The following IFT140 variants were observed in gnomAD, a reference collection of about 807,000 sequenced individuals.
The protein encoded by IFT140 is intraflagellar transport 140, also known as intraflagellar transport protein 140 homolog.
A neutral mutation model predicts 164.6 loss-of-function variants in IFT140; 133 were observed. That is an observed-to-expected ratio of 0.81 (90% CI 0.70 to 0.93). The LOEUF (loss-of-function observed/expected upper bound fraction) is 0.93, where lower values mean the gene tolerates loss of function less well. Ranked by LOEUF, IFT140 falls within the 40% of genes least tolerant of loss-of-function variation. IFT140 has a pLI of 0.00. For synonymous variants in IFT140, 860 were observed against 817.3 expected, an observed-to-expected ratio of 1.05 and a Z score of -0.89; for missense variants, 2,045 against 1,972.3, an observed-to-expected ratio of 1.04 and a Z score of -0.70.
rs899346069 is a variant in IFT140, at chr16:1,510,586, A to AG, written c.*357dup. ...GGGGAGGATATGATGTGTGGGGAGC[A>AG]GGGGGGCAGGTGCCCCAGCCCTCCA... On this transcript the variant is annotated 3_prime_UTR_variant, in exon 31 of 31. Coordinates refer to ENST00000426508, the MANE Select transcript of IFT140 (RefSeq NM_014714.4). 15 of 369,628 alleles carry AG rather than the reference A, an allele frequency of 4.1e-5. No homozygotes were observed. The Admixed American group carries it at 5.6e-4, about 14-fold the overall frequency. 22.9% of individuals were successfully genotyped at this position (369,628 alleles called of 1,614,324 possible).
At chr16:1,549,033 C>A (rs1024223360) in intron 19 of IFT140, among the ~76,000 whole-genome samples, 6 of 152,218 alleles carry the variant, frequency 3.9e-5, no homozygotes, top group African/African-American at 1.4e-4. Context: ...AGCAGCGGTG[C>A]CCCTGCCTGC....
Position 1,607,247 on chromosome 16 carries a change from T to C in IFT140, c.20A>G (p.His7Arg), listed in dbSNP as rs1305853622. 1.4e-5 allele frequency: 23 copies of C among 1,613,794 alleles called. No homozygotes were observed. Among genetic ancestry groups the C allele is most frequent in the Non-Finnish European group, 1.7e-5 (20 of 1,179,982 alleles). MALYYD[H>R]QIEAPDAAGS... ...TGCTGCATCCGGGGCTTCTATCTGG[T>C]GGTCATAATAGAGGGCCATGACGGA... Residue 7 changes from histidine (H) to arginine (R), a missense_variant, in exon 3 of 31, where the codon CAC (histidine) becomes CGC (arginine). Coordinates refer to ENST00000426508, the MANE Select transcript of IFT140 (RefSeq NM_014714.4).
At chr16:1,585,196 G>C (rs2034804446) in intron 10 of IFT140, among the ~76,000 whole-genome samples, 1 of 152,244 alleles carries the variant, frequency 6.6e-6, no homozygotes, top group African/African-American at 2.4e-5. Context: ...AATGGAGAAA[G>C]AAAACGTGGT....
chr16:1,542,187 C>T (rs908885498), intron 19 of IFT140: 2 of 1,225,204 alleles, frequency 1.6e-6, no homozygotes, highest in African/African-American at 1.6e-5. Context: ...CAGGCCATAC[C>T]TCTCAACATG....
intron 30 of IFT140, 114 bp downstream of exon 30, chr16:1,518,102 T>C: frequency 2.9e-6 from 3 of 1,038,206 alleles, no homozygotes; most frequent in South Asian, 3.2e-5. Flanking sequence ...CCTCCCAAAG[T>C]GCTGGGATTA....
chr16:1,584,464 G>A (rs1245827510), intron 10 of IFT140, 44 bp from the exon 11 acceptor site: 1 of 1,495,660 alleles, frequency 6.7e-7, no homozygotes, highest in East Asian at 2.4e-5. Flanking sequence ...TGTGTGAACA[G>A]AGCAGGAGAA....
intron 19 of IFT140, among the ~76,000 whole-genome samples, chr16:1,528,238 G>A (rs530948275): frequency 6.6e-5 from 10 of 152,272 alleles, no homozygotes; most frequent in African/African-American, 2.2e-4. Context: ...GGCAGAGGAC[G>A]CACTGGTCAC....
At chr16:1,516,640 G>T (rs2040357872) in intron 30 of IFT140, among the ~76,000 whole-genome samples, 1 of 151,786 alleles carries the variant, frequency 6.6e-6, no homozygotes, top group South Asian at 2.1e-4. Context: ...CGTGGTGGCG[G>T]GCGCCTGTAG....
At chr16:1,528,045 G>A (rs954588272) in intron 19 of IFT140, among the ~76,000 whole-genome samples, 3 of 152,198 alleles carry the variant, frequency 2.0e-5, no homozygotes, top group African/African-American at 4.8e-5. Context: ...TGTGTGTGGG[G>A]GCACTCAGCC....
intron 19 of IFT140, chr16:1,530,959 G>C (rs369920776): frequency 6.6e-6 from 1 of 152,318 alleles, no homozygotes. Context: ...CGAGGCTGCT[G>C]GGAGAACCCA....
chr16:1,544,440 C>T lies in IFT140; in HGVS notation c.2399+13495G>A, dbSNP rs533927454. On this transcript the variant is annotated intron_variant, in intron 19 of 30. Coordinates refer to ENST00000426508, the MANE Select transcript of IFT140 (RefSeq NM_014714.4). ...GACCTCGTGATCCGCCCACCTTGGC[C>T]TCCCAAAGTGCTAGGATTATAGGCG... Among the ~76,000 whole-genome samples, 5 of 152,084 alleles carry T rather than the reference C, an allele frequency of 3.3e-5. No individual in the cohort carries two copies. The South Asian group carries it at 1.0e-3, about 32-fold the overall frequency.
intron 19 of IFT140, among the ~76,000 whole-genome samples, chr16:1,545,133 C>T (rs769976151): frequency 4.1e-4 from 62 of 152,344 alleles, no homozygotes; most frequent in Middle Eastern, 3.4e-3. Flanking sequence ...TGGACTAAAC[C>T]GAGCTGTCTT....
chr16:1,594,235 T>C (rs1171763065), intron 4 of IFT140, among the ~76,000 whole-genome samples: 2 of 152,000 alleles, frequency 1.3e-5, no homozygotes, highest in African/African-American at 4.8e-5. Flanking sequence ...TGTTTTTTTT[T>C]TTTGAGACAG....
Position 1,516,527 on chromosome 16 carries a change from T to G in IFT140, c.4182+1689A>C, listed in dbSNP as rs535094151. Among the ~76,000 whole-genome samples the G allele has an allele frequency of 2.6e-5, 4 of 152,172 alleles. No individual in the cohort carries two copies. The South Asian group carries it at 8.3e-4, about 32-fold the overall frequency. On this transcript the variant is annotated intron_variant, in intron 30 of 30. Coordinates refer to ENST00000426508, the MANE Select transcript of IFT140 (RefSeq NM_014714.4). ...GCTCACGCCTGTAATCCCAGCACTT[T>G]GGGAGGCCGAGGCGGGCGGATCATG...
intron 18 of IFT140, among the ~76,000 whole-genome samples, chr16:1,560,507 G>A (rs1226150815): frequency 1.3e-5 from 2 of 152,186 alleles, no homozygotes; most frequent in Non-Finnish European, 1.5e-5. Context: ...CACCACCACC[G>A]TGTCCTTTAT....
chr16:1,534,452 G>A (rs1482201774), intron 19 of IFT140: 14 of 1,611,340 alleles, frequency 8.7e-6, no homozygotes, highest in South Asian at 5.5e-5. Context: ...GGGGAGGGCC[G>A]AGCCCTGGGG....
chr16:1,561,228 A>G (rs1238544652), intron 18 of IFT140, among the ~76,000 whole-genome samples: 2 of 152,236 alleles, frequency 1.3e-5, no homozygotes, highest in African/African-American at 4.8e-5. Flanking sequence ...TGGGGCACAC[A>G]TGGGCTGCTG....
chr16:1,608,808 T>G (rs2036205469), intron 2 of IFT140, among the ~76,000 whole-genome samples: 1 of 152,020 alleles, frequency 6.6e-6, no homozygotes, highest in Non-Finnish European at 1.5e-5. Context: ...CTTGAACTCC[T>G]GGGCTCAAGT....
At position 1,525,949 on chromosome 16, in the gene IFT140, G is replaced by A. The variant is rs533750683; in HGVS notation, c.2706C>T (p.Ser902=). The A allele has an allele frequency of 1.8e-5, 29 of 1,579,136 alleles. 1 individual carries two copies. In the Admixed American group the frequency reaches 5.3e-4, roughly 29 times the overall value. ...GGTGCCCGGCATAGCGGTGGTAGGTGCTGCGCAGGTGCACGCGATCGTGGT... is the reference window on the plus strand; with the variant it reads ...GGTGCCCGGCATAGCGGTGGTAGGTACTGCGCAGGTGCACGCGATCGTGGT... ...AEHHDRVHLR[S]TYHRYAGHLE... The change falls in exon 21 of 31, where the codon AGC becomes AGT. Residue 902 remains serine (S), a synonymous_variant. Transcript: ENST00000426508.
Sources: gnomAD v4.1 joint callset for allele counts (sites outside exome capture counted in the v4.1 genomes callset) on GRCh38, gnomAD v4.1.1 for gene constraint, MANE v1.5 for transcripts, NCBI Gene and HGNC (gene_info 2026-07-23, HGNC 2026-07-21) for gene names.